Variants in TRDN observed in about 807,000 individuals in gnomAD.
TRDN encodes triadin.
A neutral mutation model predicts 149.7 loss-of-function variants in TRDN; 161 were observed. That is an observed-to-expected ratio of 1.08 (90% CI 0.95 to 1.23). The LOEUF (loss-of-function observed/expected upper bound fraction) is 1.23. TRDN is among the 50% of genes most tolerant of loss of function. The pLI is 0.00. For synonymous variants in TRDN, 294 were observed against 250.5 expected (o/e 1.17, Z -1.64); for missense variants, 896 against 823.5 (o/e 1.09, Z -1.08).
intron 1 of TRDN, among the ~76,000 whole-genome samples, chr6:123,573,935 A>G (rs1782699144): frequency 6.6e-6 from 1 of 152,002 alleles, no homozygotes; most frequent in African/African-American, 2.4e-5. Context: ...ACTTTAGTTA[A>G]TAAAGTCTTA....
intron 24 of TRDN, among the ~76,000 whole-genome samples, chr6:123,309,834 T>C (rs544872756): frequency 2.6e-5 from 4 of 152,150 alleles, no homozygotes; most frequent in Non-Finnish European, 5.9e-5. Flanking sequence ...TTTGTTACCA[T>C]AAAATATACA....
chr6:123,229,147 A>C (rs1562220303), intron 38 of TRDN, among the ~76,000 whole-genome samples: 1 of 151,880 alleles, frequency 6.6e-6, no homozygotes, highest in Admixed American at 6.6e-5. Flanking sequence ...CAGTGAATCC[A>C]TCCTCCTATC....
intron 21 of TRDN, chr6:123,352,199 A>T (rs1780484778): frequency 1.2e-5 from 12 of 984,662 alleles, no homozygotes; most frequent in Non-Finnish European, 1.4e-5. Flanking sequence ...ATAATCAGTA[A>T]GGTGGTGTTA....
chr6:123,595,797 A>C (rs2114633168), intron 1 of TRDN, among the ~76,000 whole-genome samples: 1 of 152,224 alleles, frequency 6.6e-6, no homozygotes, highest in Non-Finnish European at 1.5e-5. Context: ...CACCCATTCA[A>C]GAAGGTGAAC....
chr6:123,497,612 A>G (rs1562347409), intron 8 of TRDN, among the ~76,000 whole-genome samples: 2 of 152,166 alleles, frequency 1.3e-5, no homozygotes, highest in African/African-American at 2.4e-5. Context: ...TTCAATAATG[A>G]AACAGAAGTT....
intron 20 of TRDN, among the ~76,000 whole-genome samples, chr6:123,360,096 T>C (rs977271161): frequency 6.6e-6 from 1 of 152,076 alleles, no homozygotes; most frequent in African/African-American, 2.4e-5. Flanking sequence ...TGTGCCATGG[T>C]GGTTTGCTGT....
chr6:123,535,917 A>C (rs188257698), intron 4 of TRDN, among the ~76,000 whole-genome samples: 240 of 152,282 alleles, frequency 1.6e-3, no homozygotes, highest in African/African-American at 5.5e-3. Flanking sequence ...TAAAAGATCT[A>C]TACAAAAATA....
chr6:123,232,717 T>C (rs1228246822), intron 38 of TRDN, among the ~76,000 whole-genome samples: 4 of 152,038 alleles, frequency 2.6e-5, no homozygotes, highest in South Asian at 2.1e-4. Flanking sequence ...ATAGGGAATA[T>C]ACAAAAGAGT....
In TRDN at chr6:123,469,081, A is replaced by G. The variant is rs559553029; in HGVS notation, c.854-4098T>C. Among the ~76,000 whole-genome samples the G allele has an allele frequency of 2.6e-5, 4 of 152,328 alleles. No homozygotes were observed. In the South Asian group the frequency reaches 8.3e-4, roughly 32 times the overall value. On this transcript the variant is annotated intron_variant, in intron 9 of 40. Transcript: ENST00000334268. Reference sequence around the variant, plus strand: ...CTATGACTAAAAGTAAAGTGAGAAGATGTGAGTTTAATAAGGAAATGATAG... The same window carrying G: ...CTATGACTAAAAGTAAAGTGAGAAGGTGTGAGTTTAATAAGGAAATGATAG...
intron 5 of TRDN, among the ~76,000 whole-genome samples, chr6:123,527,446 G>T (rs12192600): frequency 0.56 from 85,615 of 151,748 alleles, 25,127 homozygotes; most frequent in Non-Finnish European, 0.65. Flanking sequence ...GGTATCCATT[G>T]TTGGATATAG....
intron 27 of TRDN, 128 bp from the exon 28 acceptor site, chr6:123,273,491 T>C (rs1159383646): frequency 2.4e-6 from 1 of 411,112 alleles, no homozygotes; most frequent in African/African-American, 2.1e-5. Flanking sequence ...GGGTTTCTGG[T>C]TAAAGAAAAG....
chr6:123,533,118 C>T (rs1288374853), intron 4 of TRDN, among the ~76,000 whole-genome samples: 2 of 152,048 alleles, frequency 1.3e-5, no homozygotes, highest in African/African-American at 2.4e-5. Context: ...TCATTCCTTA[C>T]TCCTAGTAGG....
chr6:123,312,338 TC>T (rs1778856469), intron 24 of TRDN, among the ~76,000 whole-genome samples: 1 of 151,928 alleles, frequency 6.6e-6, no homozygotes, highest in Non-Finnish European at 1.5e-5. Flanking sequence ...GAGCAACCCG[TC>T]CTTTTCCTCC....
At chr6:123,415,400 C>T (rs1773608551) in intron 12 of TRDN, among the ~76,000 whole-genome samples, 1 of 152,126 alleles carries the variant, frequency 6.6e-6, no homozygotes, top group South Asian at 2.1e-4. Context: ...ATCGCTGTAA[C>T]GTTAGAACCA....
chr6:123,450,152 A>C (rs1428125595), intron 10 of TRDN, among the ~76,000 whole-genome samples: 2 of 152,182 alleles, frequency 1.3e-5, no homozygotes, highest in Admixed American at 6.6e-5. Context: ...ATAAGACAAA[A>C]ATAGAAGTTG....
At chr6:123,249,055 G>A (rs1029018753) in intron 38 of TRDN, among the ~76,000 whole-genome samples, 1 of 152,086 alleles carries the variant, frequency 6.6e-6, no homozygotes, top group Non-Finnish European at 1.5e-5. Flanking sequence ...ATGCAAGGAT[G>A]GCTCAACATG....
intron 40 of TRDN, among the ~76,000 whole-genome samples, chr6:123,220,130 T>G (rs1775095764): frequency 6.6e-6 from 1 of 152,002 alleles, no homozygotes; most frequent in Admixed American, 6.6e-5. Context: ...TTAGAATATT[T>G]GACACCATTT....
intron 1 of TRDN, among the ~76,000 whole-genome samples, chr6:123,599,910 A>G (rs1269848476): frequency 2.6e-5 from 4 of 151,822 alleles, no homozygotes; most frequent in South Asian, 4.2e-4. Flanking sequence ...GATGAGATAA[A>G]TGTCCTTCCT....
At chr6:123,406,968 C>T (rs977745293) in intron 12 of TRDN, among the ~76,000 whole-genome samples, 2 of 152,006 alleles carry the variant, frequency 1.3e-5, no homozygotes, top group Non-Finnish European at 2.9e-5. Flanking sequence ...AAGAAACCCA[C>T]AATACCTTCC....
Sources: gnomAD v4.1 joint callset for allele counts (sites outside exome capture counted in the v4.1 genomes callset) on GRCh38, gnomAD v4.1.1 for gene constraint, MANE v1.5 for transcripts, NCBI Gene and HGNC (gene_info 2026-07-23, HGNC 2026-07-21) for gene names.